TMEM63C: variants seen among roughly 807,000 people sequenced by gnomAD.
TMEM63C encodes the protein osmosensitive cation channel TMEM63C.
Under a neutral mutation model 99.2 loss-of-function variants are expected in TMEM63C, and 32 were observed. The ratio of observed to expected loss-of-function variants is 0.32; its 90% CI spans 0.24 to 0.43. TMEM63C has a LOEUF of 0.43. Among genes scored for constraint, TMEM63C ranks in the 20% least tolerant of loss-of-function variants. The pLI is 1.00. For synonymous variants in TMEM63C, 376 were observed against 397.9 expected (o/e 0.94, Z 0.66); for missense variants, 826 against 1,053.0 (o/e 0.78, Z 2.98).
chr14:77,239,349 G>A (rs1379624906), intron 10 of TMEM63C, 63 bp from the exon 11 acceptor site: 2 of 1,558,422 alleles, frequency 1.3e-6, no homozygotes, highest in East Asian at 4.5e-5. Flanking sequence ...TGCTGGGCAG[G>A]GGGTAGGGGC....
At chr14:77,219,599 TG>T in intron 4 of TMEM63C, 22 bp downstream of exon 4, 1 of 1,612,670 alleles carries the variant, frequency 6.2e-7, no homozygotes, top group Non-Finnish European at 8.5e-7. Context: ...TCGAGATGGG[TG>T]AGCCGTTGCC....
At chr14:77,186,621 G>A (rs150379937) in intron 1 of TMEM63C, among the ~76,000 whole-genome samples, 34 of 152,230 alleles carry the variant, frequency 2.2e-4, no homozygotes, top group African/African-American at 7.7e-4. Context: ...AGGCCAGAAG[G>A]TTTAGTCTGC....
chr14:77,241,910 A>G (rs1051915430), intron 13 of TMEM63C, among the ~76,000 whole-genome samples: 14 of 152,224 alleles, frequency 9.2e-5, no homozygotes, highest in Admixed American at 7.2e-4. Context: ...CGATTTAGTC[A>G]TCTGTGCAAT....
chr14:77,197,934 C>T (rs1172603197), intron 1 of TMEM63C, among the ~76,000 whole-genome samples: 7 of 152,214 alleles, frequency 4.6e-5, no homozygotes. Flanking sequence ...AGCTCTTCTG[C>T]CTCCCCAGCC....
chr14:77,242,892 T>C lies in TMEM63C; in HGVS notation c.1188-11T>C. ...TCTCTAAATGTGCCTCCTTCTTCCA[T>C]CCTTCCCCAGGAAACACCTGTCTGT... On this transcript the variant is annotated splice_polypyrimidine_tract_variant and intron_variant, in intron 14 of 23. Coordinates refer to ENST00000298351, the MANE Select transcript of TMEM63C (RefSeq NM_020431.4). 1 of 1,614,018 alleles carries C rather than the reference T, an allele frequency of 6.2e-7. No homozygotes were observed. Among genetic ancestry groups the C allele is most frequent in the Non-Finnish European group, 8.5e-7 (1 of 1,179,886 alleles).
intron 6 of TMEM63C, among the ~76,000 whole-genome samples, chr14:77,228,595 G>A (rs1205137373): frequency 6.6e-6 from 1 of 151,448 alleles, no homozygotes; most frequent in African/African-American, 2.4e-5. Flanking sequence ...GGAGGGCAGT[G>A]GTACGATCTC....
intron 5 of TMEM63C, among the ~76,000 whole-genome samples, chr14:77,223,570 T>G (rs1334709364): frequency 1.3e-5 from 2 of 152,198 alleles, no homozygotes; most frequent in Non-Finnish European, 2.9e-5. Context: ...CATGTGGCTG[T>G]TCAGCTGCTG....
At chr14:77,195,164 C>T (rs1888194494) in intron 1 of TMEM63C, among the ~76,000 whole-genome samples, 1 of 152,112 alleles carries the variant, frequency 6.6e-6, no homozygotes, top group Non-Finnish European at 1.5e-5. Flanking sequence ...ATGCCTCACC[C>T]TGAACTTTGT....
intron 2 of TMEM63C, among the ~76,000 whole-genome samples, chr14:77,213,991 C>T (rs977153015): frequency 6.6e-6 from 1 of 152,060 alleles, no homozygotes; most frequent in Non-Finnish European, 1.5e-5. Flanking sequence ...GGCCCTCCAT[C>T]GCAGGTTCTG....
chr14:77,237,890 G>T (rs1889088555), intron 9 of TMEM63C, among the ~76,000 whole-genome samples: 1 of 152,218 alleles, frequency 6.6e-6, no homozygotes. Flanking sequence ...TGTGGAATCA[G>T]CTCCTTCCAG....
rs376135877 is a variant in TMEM63C, at chr14:77,236,640, C to T, written c.559C>T (p.Leu187=). The T allele has an allele frequency of 3.1e-6, 5 of 1,612,338 alleles. No individual in the cohort carries two copies. The African/African-American group carries it at 6.7e-5, about 22-fold the overall frequency. The part of the protein sequence containing the change: ...NVSTESKLLW[L]HSLLSFFYFI... ...TCCCTGCAGGAGCAAGCTCCTGTGG[C>T]TGCATAGCCTGCTGTCCTTCTTCTA... Residue 187 remains leucine, a synonymous_variant, in exon 9 of 24, where the codon CTG becomes TTG. Coordinates refer to ENST00000298351, the MANE Select transcript of TMEM63C (RefSeq NM_020431.4).
chr14:77,228,376 CAGA>C (rs1280123746), intron 6 of TMEM63C, among the ~76,000 whole-genome samples: 4 of 145,032 alleles, frequency 2.8e-5, no homozygotes, highest in African/African-American at 9.8e-5. Flanking sequence ...CCCCGCTCTC[CAGA>C]AGTTCTCATC....
chr14:77,219,123 G>C (rs1263421187), intron 3 of TMEM63C, among the ~76,000 whole-genome samples, 160 bp downstream of exon 3: 1 of 152,238 alleles, frequency 6.6e-6, no homozygotes, highest in Non-Finnish European at 1.5e-5. Flanking sequence ...CCGGTAGGTG[G>C]GCCTCAAAGA....
chr14:77,187,248 GAGCTC>G (rs1224399492), intron 1 of TMEM63C, among the ~76,000 whole-genome samples: 1 of 152,220 alleles, frequency 6.6e-6, no homozygotes, highest in Non-Finnish European at 1.5e-5. Context: ...GACACATCCT[GAGCTC>G]ACCTCTTACT....
At chr14:77,186,939 C>G (rs940049441) in intron 1 of TMEM63C, among the ~76,000 whole-genome samples, 1 of 152,150 alleles carries the variant, frequency 6.6e-6, no homozygotes, top group African/African-American at 2.4e-5. Flanking sequence ...TCAACTAGGC[C>G]TGGCTTGGGG....
chr14:77,194,921 A>AT (rs982389751), intron 1 of TMEM63C, among the ~76,000 whole-genome samples: 1 of 150,754 alleles, frequency 6.6e-6, no homozygotes, highest in Non-Finnish European at 1.5e-5. Context: ...GAATGGTTTG[A>AT]TTTTTTTCCC....
At chr14:77,243,661 C>T (rs1889219310) in intron 15 of TMEM63C, among the ~76,000 whole-genome samples, 1 of 152,120 alleles carries the variant, frequency 6.6e-6, no homozygotes, top group South Asian at 2.1e-4. Context: ...GGGATCCTAG[C>T]CCATTTCCAA....
In TMEM63C at chr14:77,222,831, G is replaced by T. The variant is rs370022465; in HGVS notation, c.313-2593G>T. 1.4e-3 allele frequency among the ~76,000 whole-genome samples: 213 copies of T among 152,296 alleles called. 11 individuals are homozygous for T. In the South Asian group the frequency reaches 0.042, roughly 30 times the overall value. ...CTCTTGTTATATAGCCACAGAAAAT[G>T]CATTCCTTTTCTTCAACATTTTTAA... On this transcript the variant is annotated intron_variant, in intron 5 of 23. Coordinates refer to ENST00000298351, the MANE Select transcript of TMEM63C (RefSeq NM_020431.4).
chr14:77,231,443 C>A, intron 6 of TMEM63C, 145 bp from the exon 7 acceptor site: 1 of 802,604 alleles, frequency 1.2e-6, no homozygotes, highest in Non-Finnish European at 1.9e-6. Context: ...TCGAAGTTGC[C>A]TTATATATGA....
Sources: gnomAD v4.1 joint callset for allele counts (sites outside exome capture counted in the v4.1 genomes callset) on GRCh38, gnomAD v4.1.1 for gene constraint, MANE v1.5 for transcripts, NCBI Gene and HGNC (gene_info 2026-07-23, HGNC 2026-07-21) for gene names.